Variants in CALN1 observed in about 807,000 individuals in gnomAD.
CALN1 encodes calneuron 1.
A neutral mutation model predicts 30.6 loss-of-function variants in CALN1; 17 were observed. The observed-to-expected ratio is 0.56, with a 90% confidence interval of 0.38 to 0.83. The LOEUF is 0.83. Among genes scored for constraint, CALN1 ranks in the 40% least tolerant of loss-of-function variants. The probability of loss-of-function intolerance (pLI) is 0.00; values close to 1 mark genes in which losing one functional copy is unlikely to be tolerated. For synonymous variants in CALN1, 156 were observed against 131.4 expected, an observed-to-expected ratio of 1.19 and a Z score of -1.28; for missense variants, 291 against 354.9, an observed-to-expected ratio of 0.82 and a Z score of 1.45.
chr7:72,115,139 A>G (rs140161320), intron 3 of CALN1, among the ~76,000 whole-genome samples: 2,901 of 146,928 alleles, frequency 0.02, 91 homozygotes, highest in African/African-American at 0.067. Flanking sequence ...AATATATAGT[A>G]TAATGTCCAT....
intron 2 of CALN1, among the ~76,000 whole-genome samples, chr7:72,331,615 C>CT (rs1323256699): frequency 2.0e-5 from 3 of 152,074 alleles, no homozygotes; most frequent in Non-Finnish European, 4.4e-5. Flanking sequence ...GAGACAGCAA[C>CT]TTTTTTTTCT....
intron 3 of CALN1, among the ~76,000 whole-genome samples, chr7:72,221,453 G>A (rs1346265314): frequency 2.0e-5 from 3 of 151,824 alleles, no homozygotes; most frequent in African/African-American, 7.3e-5. Context: ...GAGTAGTTGG[G>A]ATTACAGGCA....
rs1169226039 is a variant in CALN1 at position 71,787,523 on chromosome 7, T to C, written c.*252A>G. 1 of 413,150 alleles carries C rather than the reference T, an allele frequency of 2.4e-6. No individual in the cohort carries two copies. Among genetic ancestry groups the C allele is most frequent in the African/African-American group, 2.0e-5 (1 of 50,852 alleles). 25.6% of individuals were successfully genotyped at this position (413,150 alleles called of 1,614,324 possible). A position where few individuals can be genotyped will look rare whatever the true frequency, so the allele number is the denominator to read the frequency against. On this transcript the variant is annotated 3_prime_UTR_variant, in exon 7 of 7. Coordinates refer to ENST00000395275, the MANE Select transcript of CALN1 (RefSeq NM_031468.4). ...GATGGTTGAAGCAATAATTTGGAAA[T>C]CCTGGCGATTTATTGCATTAGAAAA...
chr7:72,096,097 AG>A (rs1806213156), intron 4 of CALN1, among the ~76,000 whole-genome samples: 1 of 152,060 alleles, frequency 6.6e-6, no homozygotes, highest in African/African-American at 2.4e-5. Flanking sequence ...AGATAAAGAT[AG>A]ATAGATAGAT....
At chr7:72,357,126 T>TA (rs917894460) in intron 2 of CALN1, among the ~76,000 whole-genome samples, 1 of 151,950 alleles carries the variant, frequency 6.6e-6, no homozygotes, top group Non-Finnish European at 1.5e-5. Context: ...GAGACAGCCT[T>TA]AACCTTTCCC....
intron 5 of CALN1, among the ~76,000 whole-genome samples, chr7:72,017,065 G>A (rs844797): frequency 0.16 from 23,360 of 145,822 alleles, 3,339 homozygotes; most frequent in African/African-American, 0.38. Flanking sequence ...TTGGGAGGCT[G>A]AAGCATGAGA....
chr7:71,900,865 C>A (rs77398471), intron 5 of CALN1, among the ~76,000 whole-genome samples: 1 of 152,120 alleles, frequency 6.6e-6, no homozygotes, highest in Admixed American at 6.6e-5. Flanking sequence ...ATGAGACATC[C>A]GACATATGTA....
At chr7:71,867,244 C>A (rs1271993388) in intron 5 of CALN1, among the ~76,000 whole-genome samples, 2 of 151,650 alleles carry the variant, frequency 1.3e-5, no homozygotes, top group Middle Eastern at 3.2e-3. Flanking sequence ...ATATTATACA[C>A]CAGAAGGCGT....
intron 2 of CALN1, among the ~76,000 whole-genome samples, chr7:72,307,553 C>T (rs113873695): frequency 4.6e-5 from 7 of 152,328 alleles, no homozygotes; most frequent in African/African-American, 1.7e-4. Context: ...AGCCTGTGGC[C>T]TCGCAAAGCT....
At chr7:72,206,665 G>A (rs567948343) in intron 3 of CALN1, among the ~76,000 whole-genome samples, 22 of 139,178 alleles carry the variant, frequency 1.6e-4, no homozygotes, top group African/African-American at 6.0e-4. Flanking sequence ...AACAGATGCA[G>A]GCTAAAATTT....
chr7:72,303,073 C>T (rs1455813720), intron 2 of CALN1, among the ~76,000 whole-genome samples: 3 of 150,928 alleles, frequency 2.0e-5, no homozygotes, highest in Non-Finnish European at 4.4e-5. Flanking sequence ...GAGACAGACC[C>T]TGTCTCAAAA....
chr7:72,091,096 G>C (rs1246004189), intron 4 of CALN1, among the ~76,000 whole-genome samples: 3 of 152,176 alleles, frequency 2.0e-5, no homozygotes, highest in Non-Finnish European at 4.4e-5. Context: ...GGGAGGCAGA[G>C]GGTGGGCGGA....
At chr7:71,966,058 T>C (rs1161767176) in intron 5 of CALN1, among the ~76,000 whole-genome samples, 4 of 152,154 alleles carry the variant, frequency 2.6e-5, no homozygotes, top group African/African-American at 7.2e-5. Flanking sequence ...GCTGAGACAA[T>C]TTCTATTTTG....
At chr7:71,981,882 G>A (rs1798415602) in intron 5 of CALN1, among the ~76,000 whole-genome samples, 1 of 152,126 alleles carries the variant, frequency 6.6e-6, no homozygotes, top group Admixed American at 6.5e-5. Flanking sequence ...TGTGTTGACA[G>A]TTGTGGTGGT....
At chr7:72,218,065 A>T (rs10231072) in intron 3 of CALN1, among the ~76,000 whole-genome samples, 27,413 of 150,022 alleles carry the variant, frequency 0.18, 3,388 homozygotes, top group East Asian at 0.43. Flanking sequence ...GATGGTCTTG[A>T]TCTCCTGACC....
At position 72,193,993 on chromosome 7, in the gene CALN1, T is replaced by C. The variant is rs1392101162; in HGVS notation, c.244+84693A>G. 2.6e-5 allele frequency among the ~76,000 whole-genome samples: 4 copies of C among 152,112 alleles called. No homozygotes were observed. In the East Asian group the frequency reaches 5.8e-4, roughly 22 times the overall value. ...AGGGGGTGAGAGATAAGACTACACA[T>C]TGGGTACAGTGTACACTGCTCAGGT... On this transcript the variant is annotated intron_variant, in intron 3 of 6. Coordinates refer to ENST00000395275, the MANE Select transcript of CALN1 (RefSeq NM_031468.4).
chr7:72,345,760 A>T (rs925118269), intron 2 of CALN1, among the ~76,000 whole-genome samples: 1 of 152,194 alleles, frequency 6.6e-6, no homozygotes, highest in African/African-American at 2.4e-5. Flanking sequence ...CCTTTGGAGA[A>T]TCAAGTTCGG....
intron 3 of CALN1, among the ~76,000 whole-genome samples, chr7:72,192,498 G>C (rs1790679711): frequency 1.3e-5 from 2 of 152,224 alleles, no homozygotes; most frequent in South Asian, 2.1e-4. Context: ...TGTTTATGCA[G>C]GAAAGTTATC....
At chr7:72,410,169 A>G (rs558056429) in intron 1 of CALN1, among the ~76,000 whole-genome samples, 2 of 152,316 alleles carry the variant, frequency 1.3e-5, no homozygotes, top group South Asian at 4.1e-4. Flanking sequence ...CCCAAAGCTA[A>G]GCCCTGCATT....
Sources: gnomAD v4.1 joint callset for allele counts (sites outside exome capture counted in the v4.1 genomes callset) on GRCh38, gnomAD v4.1.1 for gene constraint, MANE v1.5 for transcripts, NCBI Gene and HGNC (gene_info 2026-07-23, HGNC 2026-07-21) for gene names.